Variants in PTPRB observed in about 807,000 individuals in gnomAD.
PTPRB encodes the protein protein tyrosine phosphatase receptor type B.
A neutral mutation model predicts 238.1 loss-of-function variants in PTPRB; 97 were observed. The ratio of observed to expected loss-of-function variants is 0.41; its 90% CI spans 0.35 to 0.48. PTPRB has a LOEUF of 0.48. Among genes scored for constraint, PTPRB ranks in the 20% least tolerant of loss-of-function variants. PTPRB has a pLI of 0.30. For synonymous variants in PTPRB, 970 were observed against 995.4 expected, an observed-to-expected ratio of 0.97 and a Z score of 0.48; for missense variants, 2,292 against 2,681.9, an observed-to-expected ratio of 0.85 and a Z score of 3.21.
chr12:70,634,292 G>A (rs1230249791), intron 2 of PTPRB, among the ~76,000 whole-genome samples: 1 of 152,140 alleles, frequency 6.6e-6, no homozygotes, highest in Non-Finnish European at 1.5e-5. Context: ...TAACAATACA[G>A]TGGATGCTGA....
intron 9 of PTPRB, among the ~76,000 whole-genome samples, chr12:70,582,286 A>G (rs1881474925): frequency 6.6e-6 from 1 of 152,102 alleles, no homozygotes; most frequent in Admixed American, 6.5e-5. Context: ...AAAAAATCCT[A>G]CTGTATATGG....
At chr12:70,600,354 T>C (rs770526547) in intron 4 of PTPRB, among the ~76,000 whole-genome samples, 4 of 152,216 alleles carry the variant, frequency 2.6e-5, no homozygotes, top group African/African-American at 9.6e-5. Context: ...GAGCTTCCAA[T>C]ACCTGTCTCT....
chr12:70,528,972 G>GA (rs1396030976), intron 32 of PTPRB, among the ~76,000 whole-genome samples: 2 of 151,962 alleles, frequency 1.3e-5, no homozygotes, highest in African/African-American at 4.8e-5. Flanking sequence ...CTTTTGGGGG[G>GA]ATCCATCTGG....
chr12:70,585,954 C>T (rs762606887), intron 9 of PTPRB, among the ~76,000 whole-genome samples: 5 of 152,046 alleles, frequency 3.3e-5, no homozygotes, highest in Admixed American at 6.6e-5. Context: ...GCTTCATTCA[C>T]GTCCCTACCA....
chr12:70,579,695 C>CAAAAAAAAAAAA, intron 10 of PTPRB, among the ~76,000 whole-genome samples: 1 of 91,016 alleles, frequency 1.1e-5, no homozygotes, highest in Non-Finnish European at 2.2e-5. Context: ...GACTCCATCT[C>CAAAAAAAAAAAA]AAAAAAAAAA....
intron 29 of PTPRB, 112 bp downstream of exon 29, chr12:70,535,913 G>T: frequency 7.6e-7 from 1 of 1,312,038 alleles, no homozygotes; most frequent in Non-Finnish European, 1.1e-6. Context: ...CACTAACAAT[G>T]CTCTCACATG....
At chr12:70,632,294 C>T (rs1885487587) in intron 2 of PTPRB, among the ~76,000 whole-genome samples, 1 of 152,086 alleles carries the variant, frequency 6.6e-6, no homozygotes, top group Non-Finnish European at 1.5e-5. Context: ...ATGGATGAAG[C>T]TGGAAACCAT....
In PTPRB at chr12:70,628,370, T is replaced by C. The variant is rs545656653; in HGVS notation, c.452-5724A>G. ...AGACAATTGACTAGCTTTTTATAAATGTAAGGAGACTTGACATTCCTTCGA... is the reference window on the plus strand; with the variant it reads ...AGACAATTGACTAGCTTTTTATAAACGTAAGGAGACTTGACATTCCTTCGA... On this transcript the variant is annotated intron_variant, in intron 2 of 33. Coordinates refer to ENST00000334414, the MANE Select transcript of PTPRB (RefSeq NM_001109754.4). 2.0e-5 allele frequency among the ~76,000 whole-genome samples: 3 copies of C among 152,354 alleles called. No individual in the cohort carries two copies. The South Asian group carries it at 6.2e-4, about 32-fold the overall frequency.
intron 27 of PTPRB, chr12:70,538,587 C>A: frequency 2.3e-6 from 1 of 431,626 alleles, no homozygotes; most frequent in Non-Finnish European, 4.1e-6. Context: ...GTAGAAATTG[C>A]TAACCGAAGA....
In PTPRB at chr12:70,566,701, G is replaced by A. The variant is rs1879347762; in HGVS notation, c.3638C>T (p.Pro1213Leu). 1 of 1,611,574 alleles carries A rather than the reference G, an allele frequency of 6.2e-7. No individual in the cohort carries two copies. The highest frequency in any genetic ancestry group is 8.5e-7 in the Non-Finnish European group (1 of 1,178,148). Residue 1213 changes from proline (P) to leucine (L), a missense_variant, in exon 15 of 34, where the codon CCA becomes CTA. By Grantham distance (98) the Pro-to-Leu change is moderately conservative (BLOSUM62 -3). Coordinates refer to ENST00000334414, the MANE Select transcript of PTPRB (RefSeq NM_001109754.4). ...NQINVVGRTV[P>L]ASVQGVIADN... ...TGCAATTACTCCTTGGACAGATGCT[G>A]GAACTGCAGAGAGACAAGTGGAGCA...
intron 10 of PTPRB, among the ~76,000 whole-genome samples, chr12:70,577,982 A>G (rs1880973156): frequency 6.6e-6 from 1 of 151,918 alleles, no homozygotes; most frequent in Admixed American, 6.6e-5. Context: ...CTCAAAAGCA[A>G]CTCATTATGC....
intron 11 of PTPRB, 136 bp downstream of exon 11, chr12:70,576,246 A>G (rs902971568): frequency 1.0e-6 from 1 of 961,066 alleles, no homozygotes; most frequent in Admixed American, 2.9e-5. Context: ...TTGGGTTAAA[A>G]TACGAAGACT....
rs1475075768 is a variant in PTPRB at position 70,635,740 on chromosome 12, G to A, written c.382C>T (p.His128Tyr). Reference protein sequence around the residue: ...VVVKKARKYLHSWMKIDVNKE... With the variant: ...VVVKKARKYLYSWMKIDVNKE... ...TTGACATCTATTTTCATCCAGCTAT[G>A]GAGGTATTTCCTGGCCTTCTTGACC... Residue 128 changes from histidine to tyrosine, a missense_variant, in exon 2 of 34, where the codon CAT (histidine) becomes TAT (tyrosine). By Grantham distance (83) the His-to-Tyr change is moderately conservative. Around this residue, in one of 4 missense-constraint regions of PTPRB, gnomAD observed 1,205 missense variants for 1,287.8 expected, o/e 0.94. Coordinates refer to ENST00000334414, the MANE Select transcript of PTPRB (RefSeq NM_001109754.4). 1 of 1,613,818 alleles carries A rather than the reference G, an allele frequency of 6.2e-7. No homozygotes were observed. Among genetic ancestry groups the A allele is most frequent in the Non-Finnish European group, 8.5e-7 (1 of 1,179,888 alleles).
chr12:70,558,551 T>C (rs531384909), intron 18 of PTPRB, among the ~76,000 whole-genome samples: 2 of 152,324 alleles, frequency 1.3e-5, no homozygotes, highest in East Asian at 1.9e-4. Flanking sequence ...AGGGTGATAG[T>C]ATCTATCCCA....
intron 33 of PTPRB, 114 bp downstream of exon 33, chr12:70,524,357 C>A: frequency 8.5e-7 from 1 of 1,176,354 alleles, no homozygotes; most frequent in East Asian, 2.8e-5. Context: ...TCAAGTGATC[C>A]TCCTGCCTCA....
chr12:70,590,172 CACT>C lies in PTPRB; in HGVS notation c.1839_1841del (p.Val614del). The C allele has an allele frequency of 6.2e-7, 1 of 1,611,542 alleles. No homozygotes were observed. Among genetic ancestry groups the C allele is most frequent in the Non-Finnish European group, 8.5e-7 (1 of 1,178,622 alleles). On this transcript the variant is annotated inframe_deletion, in exon 8 of 34. Transcript: ENST00000334414. ...AGTCTCCAGCAGGGGGCGACCAGCT[CACT>C]ACAAGAGACCTCATCCTGCCATTAT...
chr12:70,540,178 GAA>G (rs1874837877), intron 23 of PTPRB, 156 bp from the exon 24 acceptor site: 1 of 618,062 alleles, frequency 1.6e-6, no homozygotes, highest in Non-Finnish European at 2.8e-6. Flanking sequence ...GGAGGGAAAG[GAA>G]AGAGAATAAA....
intron 6 of PTPRB, among the ~76,000 whole-genome samples, chr12:70,593,941 CTGAA>C (rs1333169469): frequency 5.3e-5 from 8 of 152,158 alleles, no homozygotes; most frequent in Non-Finnish European, 1.0e-4. Context: ...TAACTATTGG[CTGAA>C]TGAATGAAAG....
At chr12:70,535,117 G>T (rs1032680599) in intron 29 of PTPRB, among the ~76,000 whole-genome samples, 162 bp from the exon 30 acceptor site, 4 of 151,918 alleles carry the variant, frequency 2.6e-5, no homozygotes, top group Admixed American at 2.6e-4. Context: ...GGCCAGTGCT[G>T]AAGCTGAGGT....
Sources: allele counts gnomAD v4.1 joint callset (sites outside exome capture counted in the v4.1 genomes callset), GRCh38; gene constraint gnomAD v4.1.1; regional missense constraint gnomAD v4.1.1; transcripts MANE v1.5; gene names NCBI Gene and HGNC (gene_info 2026-07-23, HGNC 2026-07-21).